The following MAGEB16 variants were observed in gnomAD, a reference collection of about 807,000 sequenced individuals.
The protein encoded by MAGEB16 is MAGE family member B16.
For synonymous variants in MAGEB16, 95 were observed against 92.1 expected, an observed-to-expected ratio of 1.03 and a Z score of -0.18; for missense variants, 217 against 234.0, an observed-to-expected ratio of 0.93 and a Z score of 0.47.
intron 1 of MAGEB16, among the ~76,000 whole-genome samples, chrX:35,799,065 G>A (rs1203065607): frequency 1.0e-5 from 1 of 97,851 alleles, no homozygotes; most frequent in Non-Finnish European, 2.0e-5. Flanking sequence ...TGTATTTTTA[G>A]TAGAGACGGG....
At chrX:35,800,926 T>C (rs190692670) in intron 1 of MAGEB16, among the ~76,000 whole-genome samples, 8 of 111,140 alleles carry the variant, frequency 7.2e-5, no homozygotes, top group Non-Finnish European at 1.9e-5. Flanking sequence ...AAGCATTGGA[T>C]TGGGTGTCCA....
rs998968858 is a variant in MAGEB16, at chrX:35,798,420, T to A, written c.-67+2T>A. 10 of 110,601 alleles carry A rather than the reference T, an allele frequency of 9.0e-5. No homozygotes were observed. Among genetic ancestry groups the A allele is most frequent in the Admixed American group, 2.9e-4 (3 of 10,366 alleles). The allele number at this position is 110,601 out of a possible 1,213,427, so 9.1% of individuals were successfully genotyped here. On this transcript the variant is annotated splice_donor_variant, in intron 1 of 1. Transcript: ENST00000399988. LOFTEE classifies it low-confidence loss of function (5UTR_SPLICE). ...CTGCAGGCACTGTCAGGTGTCGAGGTAAAACTCTGAGACTGAGGGAAATAG... is the reference window on the plus strand; with the variant it reads ...CTGCAGGCACTGTCAGGTGTCGAGGAAAAACTCTGAGACTGAGGGAAATAG...
exon 2 of MAGEB16, chrX:35,802,840 T>C: frequency 1.7e-6 from 2 of 1,211,877 alleles, no homozygotes; most frequent in South Asian, 1.8e-5. Flanking sequence ...GTGATCTTCA[T>C]GAAGGGCAAC....
At chrX:35,802,167 T>G in exon 2 of MAGEB16, 1 of 1,210,127 alleles carries the variant, frequency 8.3e-7, no homozygotes, top group South Asian at 1.8e-5. Flanking sequence ...CTGTCCACAC[T>G]CCTGCCTACT....
chrX:35,800,956 A>G (rs1208348077), intron 1 of MAGEB16, among the ~76,000 whole-genome samples: 1 of 111,393 alleles, frequency 9.0e-6, no homozygotes, highest in Non-Finnish European at 1.9e-5. Flanking sequence ...AGGAGTTAAC[A>G]TAGAGACACA....
chrX:35,802,566 A>G (rs375791365), exon 2 of MAGEB16: 20 of 1,209,942 alleles, frequency 1.7e-5, no homozygotes, highest in Admixed American at 2.2e-5. Flanking sequence ...GGTGAATTTC[A>G]TGCTGCACAA....
intron 1 of MAGEB16, 43 bp from the exon 2 acceptor site, chrX:35,802,088 G>C (rs1319594162): frequency 5.8e-6 from 6 of 1,035,869 alleles, no homozygotes; most frequent in South Asian, 2.2e-5. Context: ...CCGCAGTTGA[G>C]TTTACCAGCT....
chrX:35,803,456 CTT>C (rs764640084), exon 2 of MAGEB16: 41 of 246,848 alleles, frequency 1.7e-4, no homozygotes, highest in Non-Finnish European at 2.6e-4. Context: ...TTCCAGATCT[CTT>C]AAGTTTTGAA....
chrX:35,800,020 G>A (rs1455712894), intron 1 of MAGEB16, among the ~76,000 whole-genome samples: 1 of 111,211 alleles, frequency 9.0e-6, no homozygotes, highest in Admixed American at 9.6e-5. Context: ...ACTGAGAGAA[G>A]AACCCACCCC....
intron 1 of MAGEB16, among the ~76,000 whole-genome samples, chrX:35,801,084 G>A (rs766053090): frequency 9.0e-5 from 10 of 111,658 alleles, no homozygotes; most frequent in Non-Finnish European, 1.7e-4. Flanking sequence ...CCTCCTTTTT[G>A]AGGGTTTCTG....
chrX:35,799,177 C>T lies in MAGEB16; in HGVS notation c.-67+759C>T, dbSNP rs747030899. On this transcript the variant is annotated intron_variant, in intron 1 of 1. Coordinates refer to ENST00000399988, the Ensembl canonical transcript of MAGEB16. ...GATTACAGGCATGAGCCACTGCGCC[C>T]GGCCTCTGAATGAGTTTTAAGGTTC... 1.1e-4 allele frequency among the ~76,000 whole-genome samples: 12 copies of T among 110,002 alleles called. 1 individual carries two copies. In the South Asian group the frequency reaches 3.2e-3, roughly 29 times the overall value.
At chrX:35,802,029 A>G (rs1443727248) in intron 1 of MAGEB16, 102 bp from the exon 2 acceptor site, 1 of 528,093 alleles carries the variant, frequency 1.9e-6, no homozygotes, top group Non-Finnish European at 3.1e-6. Context: ...GAGGCTCTAT[A>G]ACACTGCTGT....
chrX:35,799,876 C>T (rs1461767239), intron 1 of MAGEB16, among the ~76,000 whole-genome samples: 1 of 111,911 alleles, frequency 8.9e-6, no homozygotes, highest in African/African-American at 3.3e-5. Context: ...TGGGGGCCCA[C>T]CAGTCAGACA....
At position 35,802,851 on chromosome X, in the gene MAGEB16, C is replaced by T. The variant is rs141135450; in HGVS notation, c.655C>T (p.Arg219Cys). The T allele has an allele frequency of 1.1e-4, 128 of 1,209,817 alleles. No homozygotes were observed. Among genetic ancestry groups the T allele is most frequent in the Non-Finnish European group, 1.3e-4 (112 of 895,151 alleles). The change falls in exon 2 of 2, where the codon CGT becomes TGT. Residue 219 changes from arginine to cysteine, a missense_variant. Transcript: ENST00000399988. ...GGGTGTGATCTTCATGAAGGGCAACCGTGCCACTGAAGAGGAAGTCTGGGA... is the reference window on the plus strand; with the variant it reads ...GGGTGTGATCTTCATGAAGGGCAACTGTGCCACTGAAGAGGAAGTCTGGGA...
exon 2 of MAGEB16, chrX:35,802,226 C>T: frequency 8.3e-7 from 1 of 1,211,577 alleles, no homozygotes; most frequent in Non-Finnish European, 1.1e-6. Context: ...GTCCACGATG[C>T]ACACATGATC....
chrX:35,798,495 C>T (rs1934832527), intron 1 of MAGEB16, 77 bp downstream of exon 1: 1 of 111,620 alleles, frequency 9.0e-6, no homozygotes, highest in Non-Finnish European at 1.9e-5. Context: ...TCTGGGAGGC[C>T]GTGGGCTGGA....
chrX:35,800,044 C>T (rs1201754842), intron 1 of MAGEB16, among the ~76,000 whole-genome samples: 1 of 111,120 alleles, frequency 9.0e-6, no homozygotes, highest in African/African-American at 3.3e-5. Flanking sequence ...ACATAGGTGG[C>T]CCCACAGTCT....
Position 35,803,162 on chromosome X carries a change from C to T in MAGEB16, c.966C>T (p.Ala322=), listed in dbSNP as rs761760773. The T allele has an allele frequency of 3.8e-4, 450 of 1,171,547 alleles. 1 individual carries two copies. The highest frequency in any genetic ancestry group is 7.5e-4 in the Admixed American group (31 of 41,153). The change falls in exon 2 of 2, where the codon GCC becomes GCT. Residue 322 remains alanine, a synonymous_variant. Transcript: ENST00000399988. ...AAGAGGAAGAAGAGAGAGCTAGAGC[C>T]AGAATTTGAGTCAGGGCTGACTCCA...
chrX:35,802,190 G>C (rs371415088), exon 2 of MAGEB16: 1 of 1,208,712 alleles, frequency 8.3e-7, no homozygotes, highest in Non-Finnish European at 1.1e-6. Context: ...CACCCACAAG[G>C]GTCATCATGT....
Sources: gnomAD v4.1 joint callset for allele counts (sites outside exome capture counted in the v4.1 genomes callset) on GRCh38, gnomAD v4.1.1 for gene constraint, MANE v1.5 for transcripts, NCBI Gene and HGNC (gene_info 2026-07-23, HGNC 2026-07-21) for gene names.